Variants in CAMKK2 observed in about 807,000 individuals in gnomAD.
CAMKK2 encodes the protein calcium/calmodulin-dependent protein kinase kinase 2.
CAMKK2 carries 30 observed loss-of-function variants against 67.2 expected under a neutral mutation model. That is an observed-to-expected ratio of 0.45 (90% CI 0.33 to 0.61). CAMKK2 has a LOEUF of 0.61. Ranked by LOEUF, CAMKK2 falls within the 20% of genes least tolerant of loss-of-function variation. CAMKK2 has a pLI of 0.02. For missense variants in CAMKK2, 643 were observed against 802.0 expected (o/e 0.80, Z 2.39); for synonymous variants, 322 against 326.2 (o/e 0.99, Z 0.14).
intron 1 of CAMKK2, among the ~76,000 whole-genome samples, chr12:121,287,073 T>C (rs930372146): frequency 6.6e-6 from 1 of 151,926 alleles, no homozygotes; most frequent in Non-Finnish European, 1.5e-5. Flanking sequence ...CTTGGCTAAT[T>C]TTTTGTATTT....
At position 121,255,216 on chromosome 12, in the gene CAMKK2, AATTT is replaced by A. The variant is rs1440884338; in HGVS notation, c.907+330_907+333del. 2.5e-3 allele frequency among the ~76,000 whole-genome samples: 48 copies of A among 19,280 alleles called. 1 individual carries two copies. Among genetic ancestry groups the A allele is most frequent in the African/African-American group, 0.012 (47 of 3,898 alleles). The allele number at this position is 19,280 out of a possible 152,430, so 12.6% of individuals were successfully genotyped here. On this transcript the variant is annotated intron_variant, in intron 9 of 16. Transcript: ENST00000404169. ...CCTTTATATATATAATTATATATAT[AATTT>A]TATATATATATAATTTTATATATAT... is the stretch of plus-strand genomic sequence containing the variant.
chr12:121,288,483 G>A (rs529746019), intron 1 of CAMKK2, among the ~76,000 whole-genome samples: 30 of 152,280 alleles, frequency 2.0e-4, no homozygotes, highest in African/African-American at 5.3e-4. Context: ...AGGATGAACC[G>A]AATAAAATAT....
chr12:121,250,045 G>T lies in CAMKK2; in HGVS notation c.1162-11C>A. 1.2e-6 allele frequency: 2 copies of T among 1,607,644 alleles called. No individual in the cohort carries two copies. The highest frequency in any genetic ancestry group is 1.7e-4 in the Middle Eastern group (1 of 6,046). ...GTCCATGAATGGGCACTGCAAAGAG[G>T]CCAGGGACAGAGTGGCAGTCAATGG... On this transcript the variant is annotated splice_polypyrimidine_tract_variant and intron_variant, in intron 11 of 16. Transcript: ENST00000404169.
chr12:121,292,973 G>GAA (rs374293482), intron 1 of CAMKK2, among the ~76,000 whole-genome samples: 2 of 119,510 alleles, frequency 1.7e-5, no homozygotes, highest in Non-Finnish European at 1.8e-5. Flanking sequence ...CATCTCAAAA[G>GAA]AAAAAAAAAA....
chr12:121,249,980 C>A lies in CAMKK2; in HGVS notation c.1216G>T (p.Ala406Ser). Residue 406 changes from alanine (A) to serine (S), a missense_variant, in exon 12 of 17, where the codon GCC becomes TCC. Transcript: ENST00000404169. ...ACTCACTGGTCTGGAAATTCCAGGG[C>A]CTGACTCTTGATCTTACTGTGTAAA... ...MCLHSKIKSQ[A>S]LEFPDQPDIA... The A allele has an allele frequency of 2.5e-6, 4 of 1,614,054 alleles. No homozygotes were observed. Among genetic ancestry groups the A allele is most frequent in the Admixed American group, 1.7e-5 (1 of 59,986 alleles).
rs868071123 is a variant in CAMKK2 at position 121,240,500 on chromosome 12, C to T, written c.*199G>A. The T allele has an allele frequency of 2.6e-6, 4 of 1,534,966 alleles. No homozygotes were observed. The highest frequency in any genetic ancestry group is 2.8e-5 in the African/African-American group (2 of 72,662). ...CGCCTGTCCAGCCAGCCAGCGGCCA[C>T]GGTCGACGTCATGGAGTCAAGTCCT... On this transcript the variant is annotated 3_prime_UTR_variant, in exon 17 of 17. Transcript: ENST00000404169. This position sits in a 1 kb window ranked among gnomAD's most constrained non-coding sequence, Gnocchi z 4.4.
At chr12:121,264,606 C>T (rs570954449) in intron 5 of CAMKK2, among the ~76,000 whole-genome samples, 1 of 152,086 alleles carries the variant, frequency 6.6e-6, no homozygotes, top group East Asian at 1.9e-4. Flanking sequence ...AACACTGTCT[C>T]GACTAAAAAT....
In CAMKK2 at chr12:121,274,509, A is replaced by G; in HGVS notation, c.18T>C (p.Ser6=). 1 of 1,611,430 alleles carries G rather than the reference A, an allele frequency of 6.2e-7. No homozygotes were observed. Among genetic ancestry groups the G allele is most frequent in the Non-Finnish European group, 8.5e-7 (1 of 1,179,556 alleles). The change falls in exon 2 of 17, where the codon TCT becomes TCC. Residue 6 remains serine (S), a synonymous_variant. Coordinates refer to ENST00000404169, the MANE Select transcript of CAMKK2 (RefSeq NM_001270485.2). ...CGGCCCGGTTGCTGCTGGGCTGGCT[A>G]GAGACACATGATGACATGGTGCATG... MSSCV[S]SQPSSNRAAP...
At position 121,245,176 on chromosome 12, in the gene CAMKK2, T is replaced by A. The variant is rs756471943; in HGVS notation, c.1517A>T (p.Glu506Val). Residue 506 changes from glutamate to valine, a missense_variant, in exon 15 of 17, where the codon GAG becomes GTG. Around this residue, in one of 3 missense-constraint regions of CAMKK2, gnomAD observed 140 missense variants for 124.2 expected, o/e 1.13. Coordinates refer to ENST00000404169, the MANE Select transcript of CAMKK2 (RefSeq NM_001270485.2). This position sits in a 1 kb window ranked among gnomAD's most constrained non-coding sequence, Gnocchi z 5.8. ...TCCAGGCGCTGACAGTGAGCGTTCC[T>A]CCCGCCGGCTGCCCTCGAATGGGTT... ...FGNPFEGSRREERSLSAPGNL... is the reference protein window; with the variant it reads ...FGNPFEGSRRVERSLSAPGNL... 1 of 1,607,912 alleles carries A rather than the reference T, an allele frequency of 6.2e-7. No individual in the cohort carries two copies. Among genetic ancestry groups the A allele is most frequent in the Non-Finnish European group, 8.5e-7 (1 of 1,176,912 alleles).
At chr12:121,254,284 C>G in intron 9 of CAMKK2, among the ~76,000 whole-genome samples, 1 of 151,808 alleles carries the variant, frequency 6.6e-6, no homozygotes, top group East Asian at 1.9e-4. Flanking sequence ...ATAGCGAAAC[C>G]CCATCTCTAC....
At chr12:121,244,089 G>A (rs199769751) in intron 16 of CAMKK2, 23 of 1,610,896 alleles carry the variant, frequency 1.4e-5, no homozygotes, top group Non-Finnish European at 1.9e-5. Context: ...GAACTCTTAC[G>A]TTACTTTGCA....
In CAMKK2 at chr12:121,258,596, C is replaced by T. The variant is rs1593346469; in HGVS notation, c.796+1723G>A. 2.6e-5 allele frequency among the ~76,000 whole-genome samples: 4 copies of T among 152,184 alleles called. No homozygotes were observed. The South Asian group carries it at 8.3e-4, about 32-fold the overall frequency. ...CTGCCCTGTCTGTCTCAGTCTCACA[C>T]GGCTGTGGCTGGAAAGTAAAATATA... is the stretch of plus-strand genomic sequence containing the variant. On this transcript the variant is annotated intron_variant, in intron 7 of 16. Coordinates refer to ENST00000404169, the MANE Select transcript of CAMKK2 (RefSeq NM_001270485.2).
rs140846979 is a variant in CAMKK2 at position 121,238,933 on chromosome 12, G to A, written c.*1766C>T. On this transcript the variant is annotated 3_prime_UTR_variant, in exon 17 of 17. Coordinates refer to ENST00000404169, the MANE Select transcript of CAMKK2 (RefSeq NM_001270485.2). ...CATAAAGCCAGGAGGGCAAGAGGAA[G>A]TGCTGGGTTACAAAGACCCAGCAAG... The A allele has an allele frequency of 2.0e-5, 3 of 152,804 alleles. No homozygotes were observed. Among genetic ancestry groups the A allele is most frequent in the Middle Eastern group, 3.4e-3 (1 of 294 alleles). 9.5% of individuals were successfully genotyped at this position (152,804 alleles called of 1,614,324 possible).
In CAMKK2 at chr12:121,245,235, C is replaced by G; in HGVS notation, c.1458G>C (p.Leu486=). Residue 486 remains leucine (L), a synonymous_variant, in exon 15 of 17, where the codon CTG becomes CTC. Transcript: ENST00000404169. This position sits in a 1 kb window ranked among gnomAD's most constrained non-coding sequence, Gnocchi z 5.8. ...KHIPSLATVI[L]VKTMIRKRSF... is the part of the protein sequence containing the mutation. ...AGCGTTTACGTATCATGGTCTTCAC[C>G]AGGATCTGAAGAGGGAGAAAAGAGG... 6.2e-7 allele frequency: 1 copy of G among 1,600,420 alleles called. No individual in the cohort carries two copies. Among genetic ancestry groups the G allele is most frequent in the South Asian group, 1.1e-5 (1 of 89,042 alleles).
At chr12:121,265,840 G>C (rs892410872) in intron 5 of CAMKK2, among the ~76,000 whole-genome samples, 1 of 151,740 alleles carries the variant, frequency 6.6e-6, no homozygotes, top group African/African-American at 2.4e-5. Context: ...CCTGGTGACA[G>C]AGTGAGACTC....
chr12:121,265,403 G>A (rs1894329707), intron 5 of CAMKK2, among the ~76,000 whole-genome samples: 7 of 152,140 alleles, frequency 4.6e-5, no homozygotes, highest in African/African-American at 1.7e-4. Flanking sequence ...TCAGGAGAGC[G>A]TTCCACTGCC....
At chr12:121,269,421 A>C in intron 4 of CAMKK2, 107 bp downstream of exon 4, 1 of 856,334 alleles carries the variant, frequency 1.2e-6, no homozygotes, top group Admixed American at 2.1e-5. Context: ...ATGACCTAAG[A>C]ATAAAATGAG....
intron 2 of CAMKK2, 65 bp from the exon 3 acceptor site, chr12:121,271,010 TG>T: frequency 7.4e-7 from 1 of 1,345,224 alleles, no homozygotes; most frequent in Non-Finnish European, 1.1e-6. Context: ...CCAGGCACGG[TG>T]GCTCACACCT....
chr12:121,267,032 T>A, intron 5 of CAMKK2, among the ~76,000 whole-genome samples: 1 of 144,372 alleles, frequency 6.9e-6, no homozygotes, highest in African/African-American at 2.6e-5. Flanking sequence ...CTTTTTTTTT[T>A]TTTTTTTTTT....
Sources: allele counts gnomAD v4.1 joint callset (sites outside exome capture counted in the v4.1 genomes callset), GRCh38; gene constraint gnomAD v4.1.1; regional missense constraint gnomAD v4.1.1; non-coding constraint Gnocchi (gnomAD v3.1); transcripts MANE v1.5; gene names NCBI Gene and HGNC (gene_info 2026-07-23, HGNC 2026-07-21).